The following PCDH9 variants were observed in gnomAD, a reference collection of about 807,000 sequenced individuals.
PCDH9 encodes the protein protocadherin-9.
Under a neutral mutation model 70.6 loss-of-function variants are expected in PCDH9, and 24 were observed. The observed-to-expected ratio is 0.34, with a 90% CI of 0.25 to 0.48. The LOEUF (loss-of-function observed/expected upper bound fraction) is 0.48, where lower values mean the gene tolerates loss of function less well. Ranked by LOEUF, PCDH9 falls within the 20% of genes least tolerant of loss-of-function variation. The pLI is 0.99. For missense variants in PCDH9, 1,281 were observed against 1,503.6 expected (o/e 0.85, Z 2.45); for synonymous variants, 562 against 558.5 (o/e 1.01, Z -0.09).
intron 3 of PCDH9, among the ~76,000 whole-genome samples, chr13:66,812,605 T>A (rs1180754866): frequency 6.6e-6 from 1 of 152,136 alleles, no homozygotes; most frequent in Non-Finnish European, 1.5e-5. Context: ...AAAAAGTATG[T>A]GCAAGAAACA....
chr13:66,794,977 G>GCACACACACACA (rs71107002), intron 3 of PCDH9, among the ~76,000 whole-genome samples: 1,693 of 147,346 alleles, frequency 0.011, 35 homozygotes, highest in East Asian at 0.087. Context: ...ACACACACAG[G>GCACACACACACA]CACACACACA....
chr13:66,791,313 C>T (rs1264416698), intron 3 of PCDH9, among the ~76,000 whole-genome samples: 2 of 151,998 alleles, frequency 1.3e-5, no homozygotes, highest in Non-Finnish European at 2.9e-5. Flanking sequence ...TATATTATAA[C>T]TTGAGCAGTG....
At chr13:67,130,393 T>A (rs2087082755) in intron 2 of PCDH9, among the ~76,000 whole-genome samples, 1 of 152,004 alleles carries the variant, frequency 6.6e-6, no homozygotes. Flanking sequence ...TCTTCAGTGT[T>A]TTTTTTTAAC....
intron 4 of PCDH9, among the ~76,000 whole-genome samples, chr13:66,376,526 C>G (rs1350776713): frequency 6.6e-6 from 1 of 151,890 alleles, no homozygotes; most frequent in East Asian, 1.9e-4. Flanking sequence ...CAAAGTAAAA[C>G]AGATGACTTT....
intron 4 of PCDH9, among the ~76,000 whole-genome samples, chr13:66,400,532 T>C (rs1957168335): frequency 1.3e-5 from 2 of 152,184 alleles, no homozygotes; most frequent in South Asian, 4.1e-4. Flanking sequence ...GATACCTTTA[T>C]AAATTTGCAT....
At chr13:66,974,046 T>C (rs2083571864) in intron 2 of PCDH9, among the ~76,000 whole-genome samples, 1 of 152,002 alleles carries the variant, frequency 6.6e-6, no homozygotes, top group Admixed American at 6.6e-5. Flanking sequence ...GGATCCACTA[T>C]GTTCCATGTT....
At chr13:66,630,952 T>C (rs2077563109) in intron 4 of PCDH9, among the ~76,000 whole-genome samples, 1 of 152,202 alleles carries the variant, frequency 6.6e-6, no homozygotes, top group South Asian at 2.1e-4. Context: ...TTGCAACAAA[T>C]GGCTTCTTTC....
At chr13:66,563,935 T>A (rs559376147) in intron 4 of PCDH9, among the ~76,000 whole-genome samples, 14 of 152,192 alleles carry the variant, frequency 9.2e-5, no homozygotes, top group African/African-American at 2.9e-4. Context: ...TGTTTTTTTT[T>A]AAATTGTTAG....
intron 4 of PCDH9, among the ~76,000 whole-genome samples, chr13:66,493,461 A>T (rs1460834932): frequency 1.3e-5 from 2 of 152,184 alleles, no homozygotes; most frequent in Non-Finnish European, 2.9e-5. Context: ...TAATAATCCA[A>T]ATGGTTTCAT....
intron 2 of PCDH9, among the ~76,000 whole-genome samples, chr13:67,059,430 CTA>C (rs2085493390): frequency 7.1e-6 from 1 of 140,206 alleles, no homozygotes; most frequent in African/African-American, 2.7e-5. Context: ...ATAGTATATA[CTA>C]TATATAATAT....
chr13:66,552,716 A>G (rs900023647), intron 4 of PCDH9, among the ~76,000 whole-genome samples: 2 of 152,174 alleles, frequency 1.3e-5, no homozygotes, highest in Admixed American at 6.5e-5. Context: ...GTTTGATAAT[A>G]TCAATGATTG....
At chr13:66,713,623 G>GTATATATATA (rs762817724) in intron 3 of PCDH9, among the ~76,000 whole-genome samples, 7,969 of 91,960 alleles carry the variant, frequency 0.087, 403 homozygotes, top group Middle Eastern at 0.097. Context: ...GTGTGTGTGT[G>GTATATATATA]TGTATATATA....
At chr13:66,980,736 T>G (rs1226784754) in intron 2 of PCDH9, among the ~76,000 whole-genome samples, 2 of 139,590 alleles carry the variant, frequency 1.4e-5, no homozygotes, top group African/African-American at 5.2e-5. Context: ...CTTTGTTTTT[T>G]TTTTTGTTTT....
At chr13:66,822,746 G>A (rs1218055048) in intron 3 of PCDH9, among the ~76,000 whole-genome samples, 1 of 152,012 alleles carries the variant, frequency 6.6e-6, no homozygotes, top group Non-Finnish European at 1.5e-5. Context: ...CTGACCTAAA[G>A]TGATCCGCCT....
At chr13:66,720,635 A>G (rs2078930699) in intron 3 of PCDH9, among the ~76,000 whole-genome samples, 1 of 152,174 alleles carries the variant, frequency 6.6e-6, no homozygotes, top group African/African-American at 2.4e-5. Context: ...TTTCTGCTAT[A>G]AAATGCAAAG....
At chr13:67,164,909 C>A (rs1409550793) in intron 2 of PCDH9, among the ~76,000 whole-genome samples, 1 of 152,120 alleles carries the variant, frequency 6.6e-6, no homozygotes, top group Non-Finnish European at 1.5e-5. Context: ...TTCTATAGCA[C>A]TAGTCCTATG....
At chr13:66,849,673 A>G (rs1362110686) in intron 3 of PCDH9, among the ~76,000 whole-genome samples, 1 of 152,058 alleles carries the variant, frequency 6.6e-6, no homozygotes, top group Non-Finnish European at 1.5e-5. Context: ...ATGTGTGATT[A>G]AGTCATTTGA....
chr13:66,922,206 A>G (rs2082647574), intron 2 of PCDH9, among the ~76,000 whole-genome samples: 1 of 151,420 alleles, frequency 6.6e-6, no homozygotes, highest in Non-Finnish European at 1.5e-5. Context: ...GGAAACAAGT[A>G]TAATACAAAT....
At chr13:67,104,317 C>T (rs186870112) in intron 2 of PCDH9, among the ~76,000 whole-genome samples, 64 of 152,192 alleles carry the variant, frequency 4.2e-4, no homozygotes, top group Admixed American at 9.8e-4. Flanking sequence ...ATAATAAATT[C>T]ACATGGATTT....
Sources: gnomAD v4.1 joint callset for allele counts (sites outside exome capture counted in the v4.1 genomes callset) on GRCh38, gnomAD v4.1.1 for gene constraint, MANE v1.5 for transcripts, NCBI Gene and HGNC (gene_info 2026-07-23, HGNC 2026-07-21) for gene names.